Variants in SUN1 observed in about 807,000 individuals in gnomAD.
SUN1 encodes the protein Sad1 and UNC84 domain containing 1.
SUN1 carries 61 observed loss-of-function variants against 103.2 expected under a neutral mutation model. The observed-to-expected ratio is 0.59, with a 90% confidence interval of 0.48 to 0.73. The LOEUF (loss-of-function observed/expected upper bound fraction) is 0.73, where lower values mean the gene tolerates loss of function less well. Among genes scored for constraint, SUN1 ranks in the 30% least tolerant of loss-of-function variants. The pLI, the probability that SUN1 is intolerant of heterozygous loss-of-function variation, is 0.00. For synonymous variants in SUN1, 490 were observed against 425.7 expected (o/e 1.15, Z -1.86); for missense variants, 1,052 against 1,034.6 (o/e 1.02, Z -0.23).
rs753994618 is a variant in SUN1, at chr7:869,355, A to G, written c.1987A>G (p.Ile663Val). 1.9e-6 allele frequency: 3 copies of G among 1,613,338 alleles called. No individual in the cohort carries two copies. The highest frequency in any genetic ancestry group is 3.3e-5 in the Admixed American group (2 of 59,962). ...ATGTTTTTCCTTTCCCCAGCCTGAC[A>G]TTTACCCCGGTAACTGCTGGGCATT... ...QSPRVVIQPD[I>V]YPGNCWAFKG... Residue 663 changes from isoleucine to valine, a missense_variant, in exon 17 of 19, where the codon ATT becomes GTT. Physicochemically the swap from Ile to Val is conservative, Grantham distance 29. This residue lies in a region of SUN1 where 206 missense variants were observed against 260.1 expected (regional missense o/e 0.79). Transcript: ENST00000401592.
rs1554263303 is a variant in SUN1, at chr7:850,774, A to AAC, written c.659-609_659-608insCA. The stretch of plus-strand genomic sequence containing the variant: ...AAACCCTGTCTCTTAAATTAAAAAA[A>AAC]AAAAAAAACAAAAAAAAACTGGAAC... On this transcript the variant is annotated intron_variant, in intron 5 of 18. Coordinates refer to ENST00000401592, the MANE Select transcript of SUN1 (RefSeq NM_001130965.3). 4 of 148,312 alleles carry AAC rather than the reference A, an allele frequency of 2.7e-5. No individual in the cohort carries two copies. The South Asian group carries it at 6.3e-4, about 23-fold the overall frequency. 9.2% of individuals were successfully genotyped at this position (148,312 alleles called of 1,614,324 possible).
rs1127460 is a variant in SUN1, at chr7:839,130, T to C, written c.266+144T>C. 546,573 of 711,780 alleles carry C rather than the reference T, an allele frequency of 0.77. 210,662 individuals carry two copies. Among genetic ancestry groups the C allele is most frequent in the Admixed American group, 0.84 (21,593 of 25,750 alleles). 44.1% of individuals were successfully genotyped at this position (711,780 alleles called of 1,614,324 possible). On this transcript the variant is annotated intron_variant, in intron 2 of 18. Transcript: ENST00000401592. The stretch of plus-strand genomic sequence containing the variant: ...GTGCGTGTACAGACACACAAACCTG[T>C]CATATAAAGTGGTAGTTTGCTGCAA...
At chr7:846,732 C>G (rs1481952364) in intron 5 of SUN1, among the ~76,000 whole-genome samples, 1 of 152,028 alleles carries the variant, frequency 6.6e-6, no homozygotes, top group Non-Finnish European at 1.5e-5. Flanking sequence ...AACAAATTAG[C>G]TGGGCATGGT....
At chr7:852,133 G>T in intron 7 of SUN1, 90 bp downstream of exon 7, 1 of 1,196,394 alleles carries the variant, frequency 8.4e-7, no homozygotes, top group Non-Finnish European at 1.2e-6. Context: ...TATTTTGTAA[G>T]GATTTAGCTT....
At chr7:857,096 G>A (rs1828213154) in intron 12 of SUN1, among the ~76,000 whole-genome samples, 2 of 152,150 alleles carry the variant, frequency 1.3e-5, no homozygotes, top group Non-Finnish European at 2.9e-5. Context: ...TTCCCAACAT[G>A]GCAGCTTTGT....
At chr7:869,018 T>C (rs1329642719) in intron 16 of SUN1, 1 of 364,390 alleles carries the variant, frequency 2.7e-6, no homozygotes, top group Admixed American at 4.1e-5. Flanking sequence ...TGTGGTGGTG[T>C]CCCTTCTTGC....
intron 5 of SUN1, 174 bp from the exon 6 acceptor site, chr7:851,193 AAATGGTCATGTCAGTGC>A (rs1821759342): frequency 2.3e-6 from 1 of 440,338 alleles, no homozygotes; most frequent in Admixed American, 3.5e-5. Context: ...TGAGCTTTTC[AAATGGTCATGTCAGTGC>A]AATATTGCCA....
intron 16 of SUN1, chr7:868,447 G>T: frequency 3.3e-6 from 1 of 301,572 alleles, no homozygotes; most frequent in East Asian, 1.0e-4. Flanking sequence ...GTTAGAACGT[G>T]CATTTTCCCA....
chr7:841,858 C>T, intron 2 of SUN1, 88 bp from the exon 3 acceptor site: 3 of 1,397,104 alleles, frequency 2.1e-6, no homozygotes, highest in Non-Finnish European at 2.9e-6. Flanking sequence ...CTGTTTATTC[C>T]CAGATTAAGA....
intron 1 of SUN1, among the ~76,000 whole-genome samples, chr7:827,457 C>A (rs1159729667): frequency 6.7e-6 from 1 of 148,890 alleles, no homozygotes; most frequent in Non-Finnish European, 1.5e-5. Flanking sequence ...GGACTAAAAT[C>A]TAAAGTCCGT....
chr7:840,487 C>T (rs1000039222), intron 2 of SUN1, among the ~76,000 whole-genome samples: 7 of 152,220 alleles, frequency 4.6e-5, no homozygotes, highest in Non-Finnish European at 1.0e-4. Flanking sequence ...CTTTGGCCTC[C>T]CAAGCTTCCT....
At chr7:820,358 C>T (rs1340576317) in intron 1 of SUN1, among the ~76,000 whole-genome samples, 1 of 152,164 alleles carries the variant, frequency 6.6e-6, no homozygotes, top group Non-Finnish European at 1.5e-5. Flanking sequence ...ATTGTTTTCC[C>T]AATTTCACTT....
chr7:827,701 T>C (rs1046687642), upstream of SUN1, among the ~76,000 whole-genome samples: 11 of 151,462 alleles, frequency 7.3e-5, no homozygotes, highest in East Asian at 2.0e-4. Context: ...CTCCTGACCT[T>C]GTGATCCTCC....
upstream of SUN1, among the ~76,000 whole-genome samples, chr7:828,570 C>T (rs1249230266): frequency 1.3e-5 from 2 of 152,224 alleles, no homozygotes; most frequent in African/African-American, 4.8e-5. Context: ...CCATGCCCGG[C>T]TGGATGTATA....
At position 874,344 on chromosome 7, in the gene SUN1, G is replaced by T. The variant is rs577342091; in HGVS notation, c.*1013G>T. The T allele has an allele frequency of 6.6e-6, 1 of 152,538 alleles. No homozygotes were observed. The highest frequency in any genetic ancestry group is 6.5e-5 in the Admixed American group (1 of 15,270). 9.4% of individuals were successfully genotyped at this position (152,538 alleles called of 1,614,324 possible). A position where few individuals can be genotyped will look rare whatever the true frequency, so the allele number is the denominator to read the frequency against. On this transcript the variant is annotated 3_prime_UTR_variant, in exon 19 of 19. Coordinates refer to ENST00000401592, the MANE Select transcript of SUN1 (RefSeq NM_001130965.3). ...CGTGATTCTTGTGAGACTCTTTTTG[G>T]TTATAATTACTATTTAATATTTAGA... is the stretch of plus-strand genomic sequence containing the variant.
chr7:873,233 G>A lies in SUN1; in HGVS notation c.2260G>A (p.Ala754Thr). ...FQALKRPDDT[A>T]FQIVELRIFS... is the part of the protein sequence containing the mutation. ...ATTTCAGAAAAGACCCGACGACACA[G>A]CTTTCCAAATAGTGGAACTTCGGAT... Residue 754 changes from alanine to threonine, a missense_variant, in exon 19 of 19, where the codon GCT becomes ACT. Ala to Thr is a moderately conservative substitution (Grantham distance 58, BLOSUM62 0). Around this residue, in one of 2 missense-constraint regions of SUN1, gnomAD observed 206 missense variants for 260.1 expected, o/e 0.79. Transcript: ENST00000401592. 6.2e-7 allele frequency: 1 copy of A among 1,614,240 alleles called. No homozygotes were observed. The highest frequency in any genetic ancestry group is 8.5e-7 in the Non-Finnish European group (1 of 1,180,042).
chr7:852,514 T>G, intron 7 of SUN1, 95 bp from the exon 8 acceptor site: 1 of 1,444,940 alleles, frequency 6.9e-7, no homozygotes, highest in Non-Finnish European at 9.7e-7. Context: ...ACTGGGGGGG[T>G]GGATTTTGCA....
chr7:839,111 G>T (rs1366091437), intron 2 of SUN1, 125 bp downstream of exon 2: 3 of 944,606 alleles, frequency 3.2e-6, no homozygotes, highest in Non-Finnish European at 4.4e-6. Context: ...GTATGTGCGT[G>T]TACAGACACA....
intron 3 of SUN1, 140 bp from the exon 4 acceptor site, chr7:843,066 T>A: frequency 8.0e-7 from 1 of 1,246,154 alleles, no homozygotes; most frequent in Non-Finnish European, 1.1e-6. Context: ...GGAGGCATTT[T>A]AGGAAATAAA....
Sources: allele counts gnomAD v4.1 joint callset (sites outside exome capture counted in the v4.1 genomes callset), GRCh38; gene constraint gnomAD v4.1.1; regional missense constraint gnomAD v4.1.1; transcripts MANE v1.5; gene names NCBI Gene and HGNC (gene_info 2026-07-23, HGNC 2026-07-21).